WRNIP1: variants seen among roughly 807,000 people sequenced by gnomAD.
WRNIP1 encodes ATPase WRNIP1.
In WRNIP1, 41 loss-of-function variants were observed where a neutral mutation model predicts 56.1. The observed-to-expected ratio is 0.73, with a 90% CI of 0.57 to 0.95. The LOEUF is 0.95. Ranked by LOEUF, WRNIP1 falls within the 40% of genes least tolerant of loss-of-function variation. The pLI is 0.00. For synonymous variants in WRNIP1, 547 were observed against 398.1 expected, an observed-to-expected ratio of 1.37 and a Z score of -4.45; for missense variants, 1,170 against 939.4, an observed-to-expected ratio of 1.25 and a Z score of -3.21.
intron 3 of WRNIP1, among the ~76,000 whole-genome samples, chr6:2,778,315 A>C (rs1765478276): frequency 6.6e-6 from 1 of 152,146 alleles, no homozygotes; most frequent in Non-Finnish European, 1.5e-5. Flanking sequence ...GTAACTGAAA[A>C]ATTTTATTTT....
chr6:2,773,336 G>A, intron 3 of WRNIP1: 1 of 985,438 alleles, frequency 1.0e-6, no homozygotes, highest in Non-Finnish European at 1.2e-6. Context: ...CACTTCCAGT[G>A]CCACGCTTAT....
At chr6:2,780,046 T>C (rs1304248798) in intron 4 of WRNIP1, among the ~76,000 whole-genome samples, 1 of 152,260 alleles carries the variant, frequency 6.6e-6, no homozygotes, top group Non-Finnish European at 1.5e-5. Context: ...CATTTACAGA[T>C]AGCAGATTTG....
chr6:2,766,002 C>A lies in WRNIP1; in HGVS notation c.380C>A (p.Pro127Gln), dbSNP rs750539831. The change falls in exon 1 of 7, where the codon CCG becomes CAG. Residue 127 changes from proline (P) to glutamine (Q), a missense_variant. Pro to Gln is a moderately conservative substitution (Grantham distance 76). Transcript: ENST00000380773. The stretch of plus-strand genomic sequence containing the variant: ...GGCGCCCGCCTTATCCCCGACTTCC[C>A]GGTGGCCCGCTCCAGCAGCCCCGGG... ...PSGARLIPDFPVARSSSPGRK... is the reference protein window; with the variant it reads ...PSGARLIPDFQVARSSSPGRK... The A allele has an allele frequency of 1.5e-6, 2 of 1,359,896 alleles. No homozygotes were observed. The highest frequency in any genetic ancestry group is 1.9e-6 in the Non-Finnish European group (2 of 1,054,564). 84.2% of individuals were successfully genotyped at this position (1,359,896 alleles called of 1,614,324 possible).
chr6:2,769,506 T>C (rs1036691787), intron 2 of WRNIP1, among the ~76,000 whole-genome samples: 1 of 151,952 alleles, frequency 6.6e-6, no homozygotes, highest in Non-Finnish European at 1.5e-5. Context: ...TTTAAAAAAT[T>C]TTTTTTTGTA....
chr6:2,772,414 C>T (rs1227685976), intron 3 of WRNIP1, among the ~76,000 whole-genome samples: 1 of 152,186 alleles, frequency 6.6e-6, no homozygotes, highest in African/African-American at 2.4e-5. Flanking sequence ...AGGACAGGAG[C>T]TTGTCCCTGT....
chr6:2,766,595 T>G, intron 1 of WRNIP1, 151 bp downstream of exon 1: 7 of 1,354,764 alleles, frequency 5.2e-6, no homozygotes, highest in Non-Finnish European at 6.7e-6. Flanking sequence ...GGGCAGTGCC[T>G]GGTCCACAGG....
chr6:2,783,634 CT>C (rs398000193), intron 5 of WRNIP1, 73 bp downstream of exon 5: 103 of 39,604 alleles, frequency 2.6e-3, no homozygotes, highest in Middle Eastern at 0.017. Flanking sequence ...TACATCGTGG[CT>C]TTTTTTTTTT....
Position 2,785,683 on chromosome 6 carries a change from A to G in WRNIP1, c.*401A>G. ...ATGTAATTGTGATTTAATACTGCATAGTGTTTTGGGTATTTTTTTTATATG... is the reference window on the plus strand; with the variant it reads ...ATGTAATTGTGATTTAATACTGCATGGTGTTTTGGGTATTTTTTTTATATG... On this transcript the variant is annotated 3_prime_UTR_variant, in exon 7 of 7. Coordinates refer to ENST00000380773, the MANE Select transcript of WRNIP1 (RefSeq NM_020135.3). 5.4e-6 allele frequency: 1 copy of G among 183,856 alleles called. No individual in the cohort carries two copies. Among genetic ancestry groups the G allele is most frequent in the East Asian group, 1.5e-4 (1 of 6,470 alleles). The allele number at this position is 183,856 out of a possible 1,614,324, so 11.4% of individuals were successfully genotyped here. A position where few individuals can be genotyped will look rare whatever the true frequency, so the allele number is the denominator to read the frequency against.
At chr6:2,776,615 A>G (rs1765438177) in intron 3 of WRNIP1, among the ~76,000 whole-genome samples, 1 of 152,230 alleles carries the variant, frequency 6.6e-6, no homozygotes, top group Non-Finnish European at 1.5e-5. Context: ...ATCATTGCTA[A>G]AGACTTATTC....
chr6:2,772,713 A>G (rs956482350), intron 3 of WRNIP1, among the ~76,000 whole-genome samples: 2 of 152,238 alleles, frequency 1.3e-5, no homozygotes, highest in Non-Finnish European at 2.9e-5. Context: ...GGCCACAGAA[A>G]GAACTCTTAC....
At chr6:2,770,798 T>A (rs1340146338) in intron 3 of WRNIP1, among the ~76,000 whole-genome samples, 1 of 151,754 alleles carries the variant, frequency 6.6e-6, no homozygotes, top group Non-Finnish European at 1.5e-5. Flanking sequence ...ACCTGCAGTT[T>A]AGCATTTTGT....
intron 4 of WRNIP1, among the ~76,000 whole-genome samples, chr6:2,781,764 T>C (rs1215237890): frequency 6.6e-6 from 1 of 152,234 alleles, no homozygotes; most frequent in Non-Finnish European, 1.5e-5. Flanking sequence ...AATACTAGTA[T>C]CTATCACTGA....
At chr6:2,783,021 C>T (rs1765600771) in intron 4 of WRNIP1, among the ~76,000 whole-genome samples, 1 of 152,218 alleles carries the variant, frequency 6.6e-6, no homozygotes, top group African/African-American at 2.4e-5. Context: ...AGCAGGCCCA[C>T]CGTTGCTTTT....
chr6:2,785,410 A>G lies in WRNIP1; in HGVS notation c.*128A>G. The stretch of plus-strand genomic sequence containing the variant: ...ACCAACATTTTGTGCCAGAAATTTA[A>G]GAGTTCCATAGGTGGAGGCGCAGTT... On this transcript the variant is annotated 3_prime_UTR_variant, in exon 7 of 7. Coordinates refer to ENST00000380773, the MANE Select transcript of WRNIP1 (RefSeq NM_020135.3). The G allele has an allele frequency of 2.8e-6, 3 of 1,065,230 alleles. No individual in the cohort carries two copies. The highest frequency in any genetic ancestry group is 4.0e-6 in the Non-Finnish European group (3 of 749,862). The allele number at this position is 1,065,230 out of a possible 1,614,324, so 66.0% of individuals were successfully genotyped here. A position where few individuals can be genotyped will look rare whatever the true frequency, so the allele number is the denominator to read the frequency against.
chr6:2,778,822 C>T (rs1328161120), intron 3 of WRNIP1, among the ~76,000 whole-genome samples: 1 of 152,204 alleles, frequency 6.6e-6, no homozygotes, highest in Non-Finnish European at 1.5e-5. Context: ...CTGACTCTCC[C>T]CTGTGTGGAA....
At chr6:2,775,319 C>A (rs1238163867) in intron 3 of WRNIP1, among the ~76,000 whole-genome samples, 3 of 152,168 alleles carry the variant, frequency 2.0e-5, no homozygotes, top group Non-Finnish European at 2.9e-5. Context: ...AGAAACATGC[C>A]TTGCCCAGGG....
intron 1 of WRNIP1, among the ~76,000 whole-genome samples, chr6:2,766,888 C>T (rs1039160993): frequency 6.6e-6 from 1 of 151,718 alleles, no homozygotes; most frequent in African/African-American, 2.4e-5. Flanking sequence ...CAAATTAATT[C>T]TGTTGTGCTT....
intron 3 of WRNIP1, among the ~76,000 whole-genome samples, chr6:2,775,931 A>G (rs1393170508): frequency 6.6e-6 from 1 of 152,232 alleles, no homozygotes; most frequent in African/African-American, 2.4e-5. Context: ...TATCCCCAGA[A>G]TAGATTTTAC....
chr6:2,782,401 G>A (rs1277495011), intron 4 of WRNIP1, among the ~76,000 whole-genome samples: 1 of 152,266 alleles, frequency 6.6e-6, no homozygotes, highest in Non-Finnish European at 1.5e-5. Context: ...TCTTTCCCCT[G>A]TGGGAGGCCA....
Sources: gnomAD v4.1 joint callset for allele counts (sites outside exome capture counted in the v4.1 genomes callset) on GRCh38, gnomAD v4.1.1 for gene constraint, MANE v1.5 for transcripts, NCBI Gene and HGNC (gene_info 2026-07-23, HGNC 2026-07-21) for gene names.